Variants in CNTN5 observed in about 807,000 individuals in gnomAD.
The protein encoded by CNTN5 is contactin-5.
In CNTN5, 77 loss-of-function variants were observed where a neutral mutation model predicts 129.1. The ratio of observed to expected loss-of-function variants is 0.60; its 90% CI spans 0.50 to 0.72. CNTN5 has a LOEUF of 0.72. CNTN5 is among the 30% of genes least tolerant of loss of function. The probability of loss-of-function intolerance (pLI) is 0.00; values close to 1 mark genes in which losing one functional copy is unlikely to be tolerated. For synonymous variants in CNTN5, 509 were observed against 465.6 expected (o/e 1.09, Z -1.20); for missense variants, 1,478 against 1,328.8 (o/e 1.11, Z -1.75).
At chr11:99,422,242 C>A (rs528490701) in intron 2 of CNTN5, among the ~76,000 whole-genome samples, 2 of 151,978 alleles carry the variant, frequency 1.3e-5, no homozygotes, top group South Asian at 2.1e-4. Flanking sequence ...TAATATGCAA[C>A]CTGGGTTAAT....
intron 7 of CNTN5, among the ~76,000 whole-genome samples, chr11:99,922,199 C>T (rs1344281757): frequency 1.3e-5 from 2 of 152,138 alleles, no homozygotes; most frequent in Non-Finnish European, 2.9e-5. Context: ...AGAGCATGTG[C>T]AAGGGAACTG....
At chr11:99,403,018 T>C (rs1264136640) in intron 2 of CNTN5, among the ~76,000 whole-genome samples, 1 of 151,526 alleles carries the variant, frequency 6.6e-6, no homozygotes, top group South Asian at 2.1e-4. Flanking sequence ...CTTTTTTTTT[T>C]TTTTTTGAGA....
chr11:99,156,446 C>T (rs1429058218), intron 1 of CNTN5, among the ~76,000 whole-genome samples: 3 of 151,990 alleles, frequency 2.0e-5, no homozygotes, highest in Admixed American at 2.0e-4. Context: ...CATTCTTATG[C>T]TCTGCTAGTG....
intron 2 of CNTN5, among the ~76,000 whole-genome samples, chr11:99,402,170 G>T (rs564193159): frequency 1.3e-5 from 2 of 152,132 alleles, no homozygotes; most frequent in Non-Finnish European, 2.9e-5. Context: ...AAGGCTTTTA[G>T]TATTTCCCCA....
At chr11:100,040,877 C>A (rs950848395) in intron 9 of CNTN5, among the ~76,000 whole-genome samples, 1 of 152,320 alleles carries the variant, frequency 6.6e-6, no homozygotes, top group African/African-American at 2.4e-5. Flanking sequence ...CCGTCTGTCA[C>A]CCCTTTCTTT....
At chr11:100,295,678 CT>C (rs528327234) in intron 18 of CNTN5, among the ~76,000 whole-genome samples, 76 of 149,720 alleles carry the variant, frequency 5.1e-4, no homozygotes, top group Non-Finnish European at 5.7e-4. Flanking sequence ...TCTGAGCATC[CT>C]TTTTTTTTAG....
At chr11:99,879,464 A>G (rs1489647995) in intron 6 of CNTN5, among the ~76,000 whole-genome samples, 1 of 152,232 alleles carries the variant, frequency 6.6e-6, no homozygotes, top group African/African-American at 2.4e-5. Flanking sequence ...GCATTTTGAA[A>G]TTGGACAGAA....
At chr11:100,171,356 A>G (rs928469301) in intron 13 of CNTN5, among the ~76,000 whole-genome samples, 2 of 152,012 alleles carry the variant, frequency 1.3e-5, no homozygotes, top group African/African-American at 4.8e-5. Context: ...TGAGATTTAG[A>G]TATTTATGCA....
chr11:99,409,192 C>T (rs919524191), intron 2 of CNTN5, among the ~76,000 whole-genome samples: 2 of 152,300 alleles, frequency 1.3e-5, no homozygotes, highest in Non-Finnish European at 2.9e-5. Context: ...CGGCCAGGCA[C>T]GATGGCTCAG....
chr11:99,732,753 G>C (rs893764821), intron 3 of CNTN5, among the ~76,000 whole-genome samples: 13 of 152,190 alleles, frequency 8.5e-5, no homozygotes, highest in Admixed American at 7.9e-4. Flanking sequence ...ATTTTAGTAA[G>C]AAAGGGATGT....
intron 18 of CNTN5, 63 bp downstream of exon 18, chr11:100,271,304 A>C: frequency 7.9e-7 from 1 of 1,270,214 alleles, no homozygotes; most frequent in South Asian, 1.8e-5. Context: ...AAGTGAGTTG[A>C]ATTAACCATG....
intron 13 of CNTN5, among the ~76,000 whole-genome samples, chr11:100,124,383 AG>A (rs1242536717): frequency 2.0e-5 from 3 of 152,026 alleles, no homozygotes; most frequent in African/African-American, 7.2e-5. Context: ...ATAAGGGCAA[AG>A]GTTTGTAAAT....
In CNTN5 at chr11:99,990,427, CTTCCCTTATTTTTAGAAT is replaced by C. The variant is rs1458817693; in HGVS notation, c.878-11606_878-11589del. 3.0e-3 allele frequency among the ~76,000 whole-genome samples: 421 copies of C among 141,116 alleles called. 3 individuals carry two copies. Among genetic ancestry groups the C allele is most frequent in the African/African-American group, 0.011 (385 of 36,570 alleles). 92.6% of individuals were successfully genotyped at this position (141,116 alleles called of 152,430 possible). Reference sequence around the variant, plus strand: ...AATATTTTTAGAATAAATTTATTGGCTTCCCTTATTTTTAGAATATATATATATACACACACACACACA... The same window carrying C: ...AATATTTTTAGAATAAATTTATTGGCATATATATATACACACACACACACA... On this transcript the variant is annotated intron_variant, in intron 8 of 24. Transcript: ENST00000524871.
intron 1 of CNTN5, among the ~76,000 whole-genome samples, chr11:99,222,885 G>T (rs1860468977): frequency 6.6e-6 from 1 of 152,080 alleles, no homozygotes; most frequent in South Asian, 2.1e-4. Flanking sequence ...GCACCAATAA[G>T]ATCTATTTAT....
chr11:99,126,933 G>A (rs778774597), intron 1 of CNTN5, among the ~76,000 whole-genome samples: 4 of 152,118 alleles, frequency 2.6e-5, no homozygotes, highest in African/African-American at 7.2e-5. Context: ...GAGCCCAGGA[G>A]GAATTTGAGT....
intron 8 of CNTN5, among the ~76,000 whole-genome samples, chr11:99,975,581 C>T (rs1428839684): frequency 1.3e-5 from 2 of 152,070 alleles, no homozygotes; most frequent in African/African-American, 4.8e-5. Flanking sequence ...CCTCAAAAAA[C>T]TTACAGTTAT....
In CNTN5 at chr11:99,213,364, A is replaced by ATGTATATATGTATATACATATATACACG. The variant is rs1859923154; in HGVS notation, c.-209-111972_-209-111945dup. On this transcript the variant is annotated intron_variant, in intron 1 of 24. Transcript: ENST00000524871. ...TATAAAATATTATATATGTGTATATATGTATATATGTATATACATATATAC... is the reference window on the plus strand; with the variant it reads ...TATAAAATATTATATATGTGTATATATGTATATATGTATATACATATATACACGTGTATATATGTATATACATATATAC... Among the ~76,000 whole-genome samples, 3 of 55,982 alleles carry ATGTATATATGTATATACATATATACACG rather than the reference A, an allele frequency of 5.4e-5. 1 individual carries two copies. In the South Asian group the frequency reaches 1.9e-3, roughly 35 times the overall value. 36.7% of individuals were successfully genotyped at this position (55,982 alleles called of 152,430 possible). A position where few individuals can be genotyped will look rare whatever the true frequency, so the allele number is the denominator to read the frequency against.
intron 21 of CNTN5, among the ~76,000 whole-genome samples, chr11:100,333,874 G>A (rs1283080570): frequency 2.0e-5 from 3 of 152,172 alleles, no homozygotes; most frequent in Middle Eastern, 3.4e-3. Flanking sequence ...ATCAGCTTAG[G>A]CAAATACTTC....
At chr11:99,072,736 T>G (rs1017699111) in intron 1 of CNTN5, among the ~76,000 whole-genome samples, 8 of 152,134 alleles carry the variant, frequency 5.3e-5, no homozygotes, top group African/African-American at 1.9e-4. Context: ...AATTGAGATA[T>G]AGCATATACT....
Sources: allele counts gnomAD v4.1 joint callset (sites outside exome capture counted in the v4.1 genomes callset), GRCh38; gene constraint gnomAD v4.1.1; transcripts MANE v1.5; gene names NCBI Gene and HGNC (gene_info 2026-07-23, HGNC 2026-07-21).